The following MICU3 variants were observed in gnomAD, a reference collection of about 807,000 sequenced individuals.
MICU3 encodes calcium uptake protein 3, mitochondrial.
A neutral mutation model predicts 66.5 loss-of-function variants in MICU3; 62 were observed. The observed-to-expected ratio is 0.93, with a 90% confidence interval of 0.76 to 1.15. The LOEUF is 1.15. MICU3 is among the 50% of genes most tolerant of loss of function. The pLI, the probability that MICU3 is intolerant of heterozygous loss-of-function variation, is 0.00. For missense variants in MICU3, 779 were observed against 664.4 expected, an observed-to-expected ratio of 1.17 and a Z score of -1.90; for synonymous variants, 308 against 240.7, an observed-to-expected ratio of 1.28 and a Z score of -2.59.
chr8:17,105,139 A>G (rs573064783), intron 10 of MICU3, among the ~76,000 whole-genome samples: 6 of 151,730 alleles, frequency 4.0e-5, no homozygotes, highest in East Asian at 3.9e-4. Flanking sequence ...TATCATTGCT[A>G]TTCTGCAAGG....
At chr8:17,085,627 C>T (rs1377865268) in intron 6 of MICU3, among the ~76,000 whole-genome samples, 1 of 152,016 alleles carries the variant, frequency 6.6e-6, no homozygotes, top group African/African-American at 2.4e-5. Flanking sequence ...AATTAATATT[C>T]AGTCCCCATT....
chr8:17,111,652 A>G (rs934172271), intron 11 of MICU3, among the ~76,000 whole-genome samples: 3 of 152,196 alleles, frequency 2.0e-5, no homozygotes, highest in Admixed American at 2.0e-4. Context: ...AGCTTTAACT[A>G]TTAAATTTAG....
intron 2 of MICU3, among the ~76,000 whole-genome samples, chr8:17,068,348 C>G (rs2150661645): frequency 6.6e-6 from 1 of 152,250 alleles, no homozygotes; most frequent in South Asian, 2.1e-4. Context: ...ATCTCATAAA[C>G]CCTGCAAAAC....
At chr8:17,038,311 G>A (rs754120981) in intron 1 of MICU3, among the ~76,000 whole-genome samples, 2 of 152,154 alleles carry the variant, frequency 1.3e-5, no homozygotes, top group Admixed American at 6.5e-5. Flanking sequence ...TTCCCATGCT[G>A]TTGTCATGAT....
chr8:17,033,726 G>A (rs141344517), intron 1 of MICU3, among the ~76,000 whole-genome samples: 23 of 152,268 alleles, frequency 1.5e-4, no homozygotes, highest in African/African-American at 2.9e-4. Context: ...GTGAGCCACC[G>A]TGCCTGGCCA....
intron 8 of MICU3, among the ~76,000 whole-genome samples, chr8:17,092,761 A>G (rs1421091858): frequency 6.6e-6 from 1 of 152,102 alleles, no homozygotes; most frequent in Non-Finnish European, 1.5e-5. Flanking sequence ...AATGTATATG[A>G]AATATCATTG....
intron 4 of MICU3, among the ~76,000 whole-genome samples, chr8:17,080,624 T>G (rs1350313979): frequency 6.6e-6 from 1 of 152,120 alleles, no homozygotes; most frequent in Non-Finnish European, 1.5e-5. Flanking sequence ...TTCCAGAATC[T>G]TTCTCCCATA....
intron 3 of MICU3, among the ~76,000 whole-genome samples, chr8:17,077,166 G>A (rs1012946395): frequency 2.0e-5 from 3 of 152,154 alleles, no homozygotes; most frequent in African/African-American, 7.2e-5. Context: ...TGAAGTCTGT[G>A]TTCTTTAATA....
chr8:17,105,551 A>G lies in MICU3; in HGVS notation c.1224A>G (p.Leu408=), dbSNP rs1387010279. The G allele has an allele frequency of 6.4e-7, 1 of 1,567,450 alleles. No homozygotes were observed. Residue 408 remains leucine (L), a synonymous_variant, in exon 11 of 15, where the codon TTA becomes TTG. Transcript: ENST00000318063. ...YTNVENTSVF[L]ENVRYSIPEE... ...ATGTGGAAAATACATCAGTATTTTT[A>G]GAAAATGTGCGTTACAGTATACCTG... is the stretch of plus-strand genomic sequence containing the variant.
At chr8:17,054,180 A>G (rs952856262) in intron 1 of MICU3, among the ~76,000 whole-genome samples, 1 of 152,250 alleles carries the variant, frequency 6.6e-6, no homozygotes, top group African/African-American at 2.4e-5. Flanking sequence ...AAATAGCACT[A>G]TAAAAAGTTT....
At chr8:17,066,945 G>A (rs563484394) in intron 2 of MICU3, among the ~76,000 whole-genome samples, 1 of 152,122 alleles carries the variant, frequency 6.6e-6, no homozygotes, top group South Asian at 2.1e-4. Flanking sequence ...TTGCTTTTTG[G>A]AAATAACTTT....
At chr8:17,134,676 C>T in the MICU3 span, among the ~76,000 whole-genome samples, 2 of 152,130 alleles carry the variant, frequency 1.3e-5, no homozygotes, top group East Asian at 1.9e-4. Context: ...AATCTCCTGA[C>T]CTCGTGATCC....
Position 17,114,186 on chromosome 8 carries a change from C to T in MICU3, c.1351C>T (p.Arg451Cys), listed in dbSNP as rs1415869159. 6 of 1,601,176 alleles carry T rather than the reference C, an allele frequency of 3.7e-6. No individual in the cohort carries two copies. The highest frequency in any genetic ancestry group is 2.2e-5 in the South Asian group (2 of 89,324). Residue 451 changes from arginine to cysteine, a missense_variant, in exon 12 of 15, where the codon CGT becomes TGT. Arg to Cys is a radical substitution (Grantham distance 180). Transcript: ENST00000318063. ...CCTGAATATGTATAACTTTGCAAGT[C>T]GTTCTATAGGGCAAGGTAAGTAATC... ...IALNMYNFAS[R>C]SIGQDEFKRA... is the part of the protein sequence containing the mutation.
chr8:17,113,759 TA>T (rs144415467), intron 11 of MICU3, among the ~76,000 whole-genome samples: 8 of 152,046 alleles, frequency 5.3e-5, no homozygotes, highest in Non-Finnish European at 8.8e-5. Context: ...CTTACAAGGT[TA>T]AAAAAAATCA....
intron 1 of MICU3, among the ~76,000 whole-genome samples, chr8:17,038,754 C>A (rs2150513750): frequency 6.6e-6 from 1 of 152,158 alleles, no homozygotes; most frequent in Non-Finnish European, 1.5e-5. Flanking sequence ...GAGATTGATA[C>A]CATCCTGGCT....
In MICU3 at chr8:17,120,583, A is replaced by C. The variant is rs1235592187; in HGVS notation, c.*296A>C. The C allele has an allele frequency of 6.6e-6, 1 of 152,430 alleles. No homozygotes were observed. The highest frequency in any genetic ancestry group is 2.4e-5 in the African/African-American group (1 of 41,432). The allele number at this position is 152,430 out of a possible 1,614,324, so 9.4% of individuals were successfully genotyped here. ...GTATATAGATACTTCCGGTGACTAC[A>C]TATGAATGTACTTTCAATATTATTT... is the stretch of plus-strand genomic sequence containing the variant. On this transcript the variant is annotated 3_prime_UTR_variant, in exon 15 of 15. Transcript: ENST00000318063.
intron 11 of MICU3, among the ~76,000 whole-genome samples, chr8:17,108,135 A>G (rs777377570): frequency 2.6e-5 from 4 of 152,182 alleles, no homozygotes; most frequent in Non-Finnish European, 5.9e-5. Context: ...ACAGGCTGAA[A>G]CAATGCCATT....
At chr8:17,082,470 A>G (rs1045020749) in intron 5 of MICU3, among the ~76,000 whole-genome samples, 1 of 152,136 alleles carries the variant, frequency 6.6e-6, no homozygotes, top group Non-Finnish European at 1.5e-5. Context: ...ACTGCGTTGC[A>G]TATTCTTCAT....
At position 17,064,252 on chromosome 8, in the gene MICU3, G is replaced by A; in HGVS notation, c.535+15G>A. 1 of 1,588,156 alleles carries A rather than the reference G, an allele frequency of 6.3e-7. No homozygotes were observed. The highest frequency in any genetic ancestry group is 1.4e-5 in the African/African-American group (1 of 73,760). ...TGAGCCCAAAGGTAAGTACACTTTT[G>A]AAATTATCTTAATAATTGTATAATT... On this transcript the variant is annotated intron_variant, in intron 2 of 14. Transcript: ENST00000318063.
Sources: allele counts gnomAD v4.1 joint callset (sites outside exome capture counted in the v4.1 genomes callset), GRCh38; gene constraint gnomAD v4.1.1; transcripts MANE v1.5; gene names NCBI Gene and HGNC (gene_info 2026-07-23, HGNC 2026-07-21).